The following TCERG1L variants were observed in gnomAD, a reference collection of about 807,000 sequenced individuals.
TCERG1L encodes transcription elongation regulator 1-like protein.
TCERG1L carries 37 observed loss-of-function variants against 56.3 expected under a neutral mutation model. That is an observed-to-expected ratio of 0.66 (90% CI 0.51 to 0.87). The LOEUF (loss-of-function observed/expected upper bound fraction) is 0.87. TCERG1L is among the 40% of genes least tolerant of loss of function. The pLI is 0.00. For missense variants in TCERG1L, 799 were observed against 774.2 expected, an observed-to-expected ratio of 1.03 and a Z score of -0.38; for synonymous variants, 324 against 326.3, an observed-to-expected ratio of 0.99 and a Z score of 0.08.
chr10:131,095,000 G>C (rs370323621), intron 11 of TCERG1L, among the ~76,000 whole-genome samples: 2 of 152,234 alleles, frequency 1.3e-5, no homozygotes, highest in East Asian at 3.9e-4. Flanking sequence ...GCCATGCCAA[G>C]GGGCAGCAAC....
At chr10:131,270,895 G>A (rs1052928047) in intron 3 of TCERG1L, among the ~76,000 whole-genome samples, 14 of 152,156 alleles carry the variant, frequency 9.2e-5, no homozygotes, top group African/African-American at 3.4e-4. Context: ...CCAGGCTGGG[G>A]CCAGGCCCCC....
intron 8 of TCERG1L, among the ~76,000 whole-genome samples, chr10:131,129,469 T>C (rs1486274260): frequency 6.6e-6 from 1 of 152,240 alleles, no homozygotes; most frequent in Admixed American, 6.5e-5. Flanking sequence ...AATGAATGCG[T>C]GGAGGCGAAC....
intron 6 of TCERG1L, among the ~76,000 whole-genome samples, chr10:131,158,236 T>G (rs1845943840): frequency 6.6e-6 from 1 of 152,212 alleles, no homozygotes; most frequent in Non-Finnish European, 1.5e-5. Flanking sequence ...TCATCACTTT[T>G]AAACCAGTTT....
chr10:131,109,586 C>T (rs1293899292), intron 9 of TCERG1L, among the ~76,000 whole-genome samples: 1 of 152,120 alleles, frequency 6.6e-6, no homozygotes, highest in Non-Finnish European at 1.5e-5. Context: ...TTGACTCTGT[C>T]CGAGGACCGT....
rs183755343 is a variant in TCERG1L at position 131,271,853 on chromosome 10, T to G, written c.671-11409A>C. Among the ~76,000 whole-genome samples the G allele has an allele frequency of 2.8e-3, 433 of 152,296 alleles. 3 individuals carry two copies. Among genetic ancestry groups the G allele is most frequent in the Non-Finnish European group, 4.6e-3 (315 of 68,032 alleles). On this transcript the variant is annotated intron_variant, in intron 3 of 11. Coordinates refer to ENST00000368642, the MANE Select transcript of TCERG1L (RefSeq NM_174937.4). ...CATGCTGTCTGTGCTGAGCAACCCA[T>G]TCAAGAAAACAAACAACCATTAGTT...
chr10:131,288,160 T>C (rs1846566268), intron 3 of TCERG1L, among the ~76,000 whole-genome samples: 1 of 152,196 alleles, frequency 6.6e-6, no homozygotes, highest in Non-Finnish European at 1.5e-5. Flanking sequence ...TCTGAAGGCT[T>C]GTCTGTGATG....
intron 4 of TCERG1L, among the ~76,000 whole-genome samples, chr10:131,178,830 A>G (rs117494864): frequency 0.033 from 5,042 of 152,266 alleles, 117 homozygotes; most frequent in Middle Eastern, 0.092. Flanking sequence ...ATCAAGTTAA[A>G]CAACAGAATC....
intron 3 of TCERG1L, among the ~76,000 whole-genome samples, chr10:131,277,703 AAC>A (rs1455387200): frequency 1.3e-5 from 2 of 152,190 alleles, no homozygotes; most frequent in African/African-American, 4.8e-5. Flanking sequence ...CAGAAGGATA[AAC>A]ACAGAGGCAG....
intron 4 of TCERG1L, among the ~76,000 whole-genome samples, chr10:131,258,488 T>G (rs768681804): frequency 2.0e-5 from 3 of 152,138 alleles, no homozygotes; most frequent in Non-Finnish European, 4.4e-5. Context: ...CCATGAAGCC[T>G]GGGTTGGGCC....
intron 4 of TCERG1L, among the ~76,000 whole-genome samples, chr10:131,206,071 C>T (rs1335460187): frequency 1.3e-5 from 2 of 152,250 alleles, no homozygotes; most frequent in Admixed American, 1.3e-4. Flanking sequence ...AAAATGGATG[C>T]TGCAGACACG....
At chr10:131,292,475 T>C (rs1413189677) in intron 3 of TCERG1L, among the ~76,000 whole-genome samples, 1 of 152,250 alleles carries the variant, frequency 6.6e-6, no homozygotes, top group Non-Finnish European at 1.5e-5. Context: ...TGTATAGCTA[T>C]CTTTATGACT....
Position 131,236,798 on chromosome 10 carries a change from C to G in TCERG1L, c.856+23461G>C, listed in dbSNP as rs2133516299. On this transcript the variant is annotated intron_variant, in intron 4 of 11. Coordinates refer to ENST00000368642, the MANE Select transcript of TCERG1L (RefSeq NM_174937.4). ...AGGCAGGTAGGTAAGAGCAGAGAGA[C>G]ATGAGTCCCTAGAAGTGGGTGAAGA... Among the ~76,000 whole-genome samples, 2 of 152,268 alleles carry G rather than the reference C, an allele frequency of 1.3e-5. 1 individual carries two copies. Among genetic ancestry groups the G allele is most frequent in the South Asian group, 4.1e-4 (2 of 4,828 alleles).
intron 4 of TCERG1L, among the ~76,000 whole-genome samples, chr10:131,225,125 A>G (rs1589754160): frequency 1.3e-5 from 2 of 151,942 alleles, no homozygotes; most frequent in African/African-American, 4.8e-5. Flanking sequence ...AGTCCGACTC[A>G]CTCCCACCCC....
chr10:131,199,056 C>T (rs542602194), intron 4 of TCERG1L, among the ~76,000 whole-genome samples: 2 of 152,300 alleles, frequency 1.3e-5, no homozygotes, highest in East Asian at 3.9e-4. Flanking sequence ...TCATGGGCAC[C>T]CTGGGCCCCT....
chr10:131,260,298 C>T lies in TCERG1L; in HGVS notation c.817G>A (p.Ala273Thr). Residue 273 changes from alanine to threonine, a missense_variant, in exon 4 of 12, where the codon GCA becomes ACA. By Grantham distance (58) the Ala-to-Thr change is moderately conservative. Coordinates refer to ENST00000368642, the MANE Select transcript of TCERG1L (RefSeq NM_174937.4). The surrounding 1 kb of genome is among the most constrained non-coding windows in gnomAD (Gnocchi z 5.8). ...GTCCGGAGGGGTATTTTGATGGGTG[C>T]CAAGGTCAGGAAGTGGCGCGGCTGC... ...SVQPRHFLTL[A>T]PIKIPLRTSP... 4.2e-6 allele frequency: 6 copies of T among 1,434,414 alleles called. No individual in the cohort carries two copies. The highest frequency in any genetic ancestry group is 5.5e-6 in the Non-Finnish European group (6 of 1,093,922). 88.9% of individuals were successfully genotyped at this position (1,434,414 alleles called of 1,614,324 possible). A position where few individuals can be genotyped will look rare whatever the true frequency, so the allele number is the denominator to read the frequency against.
intron 3 of TCERG1L, among the ~76,000 whole-genome samples, chr10:131,288,867 C>T (rs1564834612): frequency 6.6e-6 from 1 of 152,128 alleles, no homozygotes; most frequent in Non-Finnish European, 1.5e-5. Context: ...CCTCCCTCAG[C>T]GCCTCGAGCG....
rs1470808469 is a variant in TCERG1L at position 131,248,087 on chromosome 10, ACACACACATG to A, written c.856+12162_856+12171del. Among the ~76,000 whole-genome samples, 4 of 151,968 alleles carry A rather than the reference ACACACACATG, an allele frequency of 2.6e-5. No individual in the cohort carries two copies. The South Asian group carries it at 6.2e-4, about 24-fold the overall frequency. On this transcript the variant is annotated intron_variant, in intron 4 of 11. Transcript: ENST00000368642. ...ACATACTCACATGACTCATATGCAC[ACACACACATG>A]CACACACATGATACACACACTGGTA...
chr10:131,262,401 G>A (rs1016641563), intron 3 of TCERG1L, among the ~76,000 whole-genome samples: 8 of 152,182 alleles, frequency 5.3e-5, no homozygotes, highest in South Asian at 2.1e-4. Context: ...GAAGAAAGTC[G>A]TGATAATGAA....
intron 3 of TCERG1L, among the ~76,000 whole-genome samples, chr10:131,293,749 A>G (rs1846659483): frequency 6.6e-6 from 1 of 152,206 alleles, no homozygotes; most frequent in African/African-American, 2.4e-5. Context: ...TTTAACTGTT[A>G]AGCCACATTT....
Sources: allele counts gnomAD v4.1 joint callset (sites outside exome capture counted in the v4.1 genomes callset), GRCh38; gene constraint gnomAD v4.1.1; non-coding constraint Gnocchi (gnomAD v3.1); transcripts MANE v1.5; gene names NCBI Gene and HGNC (gene_info 2026-07-23, HGNC 2026-07-21).